RNF217: variants seen among roughly 807,000 people sequenced by gnomAD.
RNF217 encodes the protein E3 ubiquitin-protein ligase RNF217.
In RNF217, 31 loss-of-function variants were observed where a neutral mutation model predicts 57.8. That is an observed-to-expected ratio of 0.54 (90% CI 0.40 to 0.72). The LOEUF is 0.72. RNF217 is among the 30% of genes least tolerant of loss of function. RNF217 has a pLI of 0.00. For missense variants in RNF217, 696 were observed against 708.3 expected, an observed-to-expected ratio of 0.98 and a Z score of 0.20; for synonymous variants, 313 against 294.0, an observed-to-expected ratio of 1.06 and a Z score of -0.66.
In RNF217 at chr6:125,077,708, A is replaced by G. The variant is rs555051195; in HGVS notation, c.1483+850A>G. Among the ~76,000 whole-genome samples, 161 of 152,158 alleles carry G rather than the reference A, an allele frequency of 1.1e-3. 3 individuals carry two copies. Among genetic ancestry groups the G allele is most frequent in the Non-Finnish European group, 3.8e-4 (26 of 67,992 alleles). On this transcript the variant is annotated intron_variant, in intron 4 of 5. Transcript: ENST00000521654. Reference sequence around the variant, plus strand: ...CATGTGAGATTTCTTCCCCTTTTTCATCACATGGATGTCTGTTAGAATTCC... The same window carrying G: ...CATGTGAGATTTCTTCCCCTTTTTCGTCACATGGATGTCTGTTAGAATTCC...
At position 125,085,697 on chromosome 6, in the gene RNF217, T is replaced by C. The variant is rs1188600270; in HGVS notation, c.*2760T>C. On this transcript the variant is annotated 3_prime_UTR_variant, in exon 6 of 6. Transcript: ENST00000521654. ...ATACAGAATTTATAAAATACAACTT[T>C]CTCTACTTACCCCACCTCTTATTTT... 6.6e-6 allele frequency: 1 copy of C among 151,906 alleles called. No homozygotes were observed. The highest frequency in any genetic ancestry group is 1.5e-5 in the Non-Finnish European group (1 of 67,832). 9.4% of individuals were successfully genotyped at this position (151,906 alleles called of 1,614,324 possible).
At chr6:125,064,444 C>T (rs1166922584) in intron 3 of RNF217, among the ~76,000 whole-genome samples, 4 of 151,844 alleles carry the variant, frequency 2.6e-5, no homozygotes, top group Non-Finnish European at 2.9e-5. Context: ...TGCTTACGGT[C>T]CTGAGATTAA....
At chr6:125,039,124 G>A (rs1444380689) in intron 1 of RNF217, among the ~76,000 whole-genome samples, 1 of 152,040 alleles carries the variant, frequency 6.6e-6, no homozygotes, top group African/African-American at 2.4e-5. Flanking sequence ...TCCTGCTTTA[G>A]TTTGCTGAGG....
At chr6:125,067,017 T>C (rs1787959373) in intron 3 of RNF217, among the ~76,000 whole-genome samples, 1 of 152,092 alleles carries the variant, frequency 6.6e-6, no homozygotes, top group Admixed American at 6.5e-5. Context: ...CGAGGGTTCA[T>C]GGCGAAAGGA....
rs563011369 is a variant in RNF217, at chr6:125,060,288, C to A, written c.1281+2182C>A. ...CAGGTAAACAATTATCACATATTTT[C>A]ATATAAATGCTTTCAATCATGATAA... On this transcript the variant is annotated intron_variant, in intron 3 of 5. Transcript: ENST00000521654. Among the ~76,000 whole-genome samples the A allele has an allele frequency of 2.6e-5, 4 of 151,918 alleles. No homozygotes were observed. The South Asian group carries it at 8.3e-4, about 32-fold the overall frequency.
chr6:125,073,442 T>C (rs1468729635), intron 3 of RNF217, among the ~76,000 whole-genome samples: 1 of 152,156 alleles, frequency 6.6e-6, no homozygotes, highest in Non-Finnish European at 1.5e-5. Flanking sequence ...AGTTGGATTA[T>C]TTTGCTTAAA....
intron 1 of RNF217, among the ~76,000 whole-genome samples, chr6:124,988,273 A>C (rs1202788002): frequency 4.6e-5 from 7 of 152,146 alleles, no homozygotes; most frequent in African/African-American, 1.7e-4. Flanking sequence ...AGTGCCAAAA[A>C]GGTTGGGGAC....
intron 1 of RNF217, among the ~76,000 whole-genome samples, chr6:124,967,503 C>T (rs1783590201): frequency 2.0e-5 from 3 of 152,156 alleles, no homozygotes; most frequent in Admixed American, 2.0e-4. Flanking sequence ...CTGAAGGTGA[C>T]AGCTGTTGTG....
chr6:125,054,145 C>T (rs766974235), intron 2 of RNF217, among the ~76,000 whole-genome samples: 2 of 152,122 alleles, frequency 1.3e-5, no homozygotes, highest in Non-Finnish European at 2.9e-5. Flanking sequence ...TAGACATCTA[C>T]ATCCCTAATG....
chr6:124,999,884 A>G (rs1169745919), intron 1 of RNF217, among the ~76,000 whole-genome samples: 1 of 152,218 alleles, frequency 6.6e-6, no homozygotes, highest in African/African-American at 2.4e-5. Flanking sequence ...TAAATATATG[A>G]AAAAGGTCCC....
intron 1 of RNF217, among the ~76,000 whole-genome samples, chr6:124,975,556 G>A (rs1004049494): frequency 3.9e-5 from 6 of 152,062 alleles, no homozygotes; most frequent in Non-Finnish European, 8.8e-5. Flanking sequence ...TCAGCCTCTC[G>A]AATAGCTGGG....
chr6:124,999,458 C>CT (rs559114602), intron 1 of RNF217, among the ~76,000 whole-genome samples: 50 of 148,866 alleles, frequency 3.4e-4, no homozygotes, highest in East Asian at 5.9e-4. Flanking sequence ...TGATCTTTAC[C>CT]TTTTTTTTTT....
intron 1 of RNF217, among the ~76,000 whole-genome samples, chr6:125,034,345 T>G (rs576877373): frequency 1.2e-4 from 18 of 152,342 alleles, no homozygotes; most frequent in African/African-American, 4.1e-4. Context: ...CATTTAAGTC[T>G]TTCATTCATC....
At position 125,082,930 on chromosome 6, in the gene RNF217, A is replaced by G; in HGVS notation, c.1622A>G (p.His541Arg). The change falls in exon 6 of 6, where the codon CAC (histidine) becomes CGC (arginine). Residue 541 changes from histidine (H) to arginine (R), a missense_variant. By Grantham distance (29) the His-to-Arg change is conservative. Coordinates refer to ENST00000521654, the MANE Select transcript of RNF217 (RefSeq NM_001286398.3). ...AGAAAACGATCACGGACAGGTATGC[A>G]CTGGTAACATGCAGATGATTTCATC... ...KQRKRSRTGM[H>R]W 6.3e-7 allele frequency: 1 copy of G among 1,599,122 alleles called. No homozygotes were observed. Among genetic ancestry groups the G allele is most frequent in the Non-Finnish European group, 8.5e-7 (1 of 1,175,230 alleles).
At chr6:125,050,502 A>G (rs1478168243) in intron 2 of RNF217, among the ~76,000 whole-genome samples, 1 of 151,978 alleles carries the variant, frequency 6.6e-6, no homozygotes, top group Non-Finnish European at 1.5e-5. Flanking sequence ...ATTACATTTT[A>G]TAAACACTAC....
At chr6:124,993,189 TC>T (rs1784627257) in intron 1 of RNF217, among the ~76,000 whole-genome samples, 1 of 152,198 alleles carries the variant, frequency 6.6e-6, no homozygotes, top group South Asian at 2.1e-4. Context: ...GCATGAGGCA[TC>T]TATTAAAAAA....
chr6:125,016,294 A>T (rs899258213), intron 1 of RNF217, among the ~76,000 whole-genome samples: 1 of 152,202 alleles, frequency 6.6e-6, no homozygotes, highest in African/African-American at 2.4e-5. Context: ...AGAGCACTCG[A>T]ATTTTACCGT....
At chr6:125,048,278 G>T in intron 2 of RNF217, 1 of 1,329,362 alleles carries the variant, frequency 7.5e-7, no homozygotes, top group Non-Finnish European at 1.0e-6. Flanking sequence ...TTTTTATTTT[G>T]CAGTATTTTT....
intron 2 of RNF217, among the ~76,000 whole-genome samples, chr6:125,052,119 A>C (rs983135913): frequency 5.3e-5 from 8 of 152,040 alleles, no homozygotes; most frequent in African/African-American, 1.9e-4. Context: ...TGTCCAAGAA[A>C]AGTATGAGTC....
Sources: allele counts gnomAD v4.1 joint callset (sites outside exome capture counted in the v4.1 genomes callset), GRCh38; gene constraint gnomAD v4.1.1; transcripts MANE v1.5; gene names NCBI Gene and HGNC (gene_info 2026-07-23, HGNC 2026-07-21).